PBX4: variants seen among roughly 807,000 people sequenced by gnomAD.
The protein encoded by PBX4 is PBX homeobox 4, also known as pre-B-cell leukemia transcription factor 4.
In PBX4, 26 loss-of-function variants were observed where a neutral mutation model predicts 35.1. The ratio of observed to expected loss-of-function variants is 0.74; its 90% CI spans 0.54 to 1.03. PBX4 has a LOEUF of 1.03. Among genes scored for constraint, PBX4 ranks in the 50% least tolerant of loss-of-function variants. The probability of loss-of-function intolerance (pLI) is 0.00; values close to 1 mark genes in which losing one functional copy is unlikely to be tolerated. For missense variants in PBX4, 448 were observed against 504.3 expected, an observed-to-expected ratio of 0.89 and a Z score of 1.07; for synonymous variants, 199 against 204.2, an observed-to-expected ratio of 0.97 and a Z score of 0.22.
chr19:19,574,132 C>T (rs1004200940), intron 2 of PBX4, among the ~76,000 whole-genome samples: 10 of 152,212 alleles, frequency 6.6e-5, no homozygotes, highest in Non-Finnish European at 1.3e-4. Context: ...CCGCCTCGGC[C>T]TCCCAAAGTG....
intron 2 of PBX4, among the ~76,000 whole-genome samples, chr19:19,574,508 C>T (rs192332432): frequency 3.9e-5 from 6 of 152,294 alleles, no homozygotes; most frequent in Non-Finnish European, 1.5e-5. Flanking sequence ...CTCAAGGACC[C>T]TCCTCACCGG....
rs1181241653 is a variant in PBX4, at chr19:19,570,791, G to A, written c.236C>T (p.Ala79Val). The A allele has an allele frequency of 6.2e-7, 1 of 1,614,124 alleles. No individual in the cohort carries two copies. Among genetic ancestry groups the A allele is most frequent in the Admixed American group, 1.7e-5 (1 of 60,016 alleles). The change falls in exon 3 of 8, where the codon GCC becomes GTC. Residue 79 changes from alanine to valine, a missense_variant. Ala to Val is a moderately conservative substitution (Grantham distance 64). Transcript: ENST00000251203. ...RGIQDEDPPD[A>V]QLLRLDNMLL... Reference sequence around the variant, plus strand: ...CATGTTATCCAGCCTCAGGAGCTGGGCGTCAGGGGGATCTTCGTCTTGAAT... The same window carrying A: ...CATGTTATCCAGCCTCAGGAGCTGGACGTCAGGGGGATCTTCGTCTTGAAT...
intron 2 of PBX4, among the ~76,000 whole-genome samples, chr19:19,577,448 G>A (rs2061426839): frequency 6.6e-6 from 1 of 152,212 alleles, no homozygotes; most frequent in Non-Finnish European, 1.5e-5. Flanking sequence ...CCAGAAGGGT[G>A]CAGATGTGCA....
In PBX4 at chr19:19,563,628, G is replaced by A; in HGVS notation, c.926-13C>T. 6.5e-7 allele frequency: 1 copy of A among 1,547,396 alleles called. No homozygotes were observed. The highest frequency in any genetic ancestry group is 8.7e-7 in the Non-Finnish European group (1 of 1,145,438). On this transcript the variant is annotated splice_polypyrimidine_tract_variant and intron_variant, in intron 6 of 7. Transcript: ENST00000251203. This position sits in a 1 kb window ranked among gnomAD's most constrained non-coding sequence, Gnocchi z 5.1. ...GGTCCAGAGGAGCCTGGAAGAGATGGGAGCCGGGGTGGGCAGAGTCGTGGC... is the reference window on the plus strand; with the variant it reads ...GGTCCAGAGGAGCCTGGAAGAGATGAGAGCCGGGGTGGGCAGAGTCGTGGC...
intron 1 of PBX4, among the ~76,000 whole-genome samples, chr19:19,604,663 C>T (rs754644411): frequency 3.3e-5 from 5 of 151,864 alleles, no homozygotes; most frequent in South Asian, 2.1e-4. Context: ...TGCAGTAGCG[C>T]GATCTTGGCT....
chr19:19,604,074 T>C (rs781781079), intron 1 of PBX4, among the ~76,000 whole-genome samples: 2 of 152,084 alleles, frequency 1.3e-5, no homozygotes, highest in Non-Finnish European at 2.9e-5. Flanking sequence ...ATCCTATAAC[T>C]CTGTCATCCA....
chr19:19,569,950 A>C (rs2061370309), intron 4 of PBX4, 159 bp downstream of exon 4: 1 of 572,654 alleles, frequency 1.7e-6, no homozygotes, highest in Non-Finnish European at 2.8e-6. Flanking sequence ...ATAAAAATGA[A>C]AACAGCAATA....
At chr19:19,588,209 T>C (rs762592588) in intron 2 of PBX4, 15 of 1,356,322 alleles carry the variant, frequency 1.1e-5, no homozygotes, top group Admixed American at 1.7e-5. Context: ...CTTACAATAA[T>C]AGGCATCAGA....
At chr19:19,582,462 C>A (rs1032826875) in intron 2 of PBX4, among the ~76,000 whole-genome samples, 4 of 152,112 alleles carry the variant, frequency 2.6e-5, no homozygotes, top group Non-Finnish European at 5.9e-5. Flanking sequence ...GATGGTGGAA[C>A]AATGCAGACA....
chr19:19,605,176 G>A (rs1397811130), intron 1 of PBX4, among the ~76,000 whole-genome samples: 1 of 151,176 alleles, frequency 6.6e-6, no homozygotes, highest in Non-Finnish European at 1.5e-5. Context: ...CCAGCACTTT[G>A]AGAAGCCAAG....
Position 19,564,976 on chromosome 19 carries a change from C to T in PBX4, c.882G>A (p.Gly294=). Residue 294 remains glycine, a synonymous_variant, in exon 6 of 8, where the codon GGG becomes GGA. Transcript: ENST00000251203. ...GGCAGCTGGCGTGGTTCCCTGGGACCCCAACTTCCGTGGTATCCACAGCCG... is the reference window on the plus strand; with the variant it reads ...GGCAGCTGGCGTGGTTCCCTGGGACTCCAACTTCCGTGGTATCCACAGCCG... ...GKTAVDTTEV[G]VPGNHASCLS... The T allele has an allele frequency of 1.9e-6, 3 of 1,614,148 alleles. No individual in the cohort carries two copies. Among genetic ancestry groups the T allele is most frequent in the Non-Finnish European group, 2.5e-6 (3 of 1,180,028 alleles).
rs80070351 is a variant in PBX4, at chr19:19,574,545, G to A, written c.194-3712C>T. Among the ~76,000 whole-genome samples, 376 of 152,150 alleles carry A rather than the reference G, an allele frequency of 2.5e-3. 4 individuals are homozygous for A. In the Middle Eastern group the frequency reaches 0.028, roughly 11 times the overall value. On this transcript the variant is annotated intron_variant, in intron 2 of 7. Coordinates refer to ENST00000251203, the MANE Select transcript of PBX4 (RefSeq NM_025245.3). ...TCACTCAGTCTCTTTGGGCTGCACC[G>A]AGGCTCTTTCTGAGATGGCTGAAGG...
intron 1 of PBX4, among the ~76,000 whole-genome samples, chr19:19,603,835 T>C (rs1357427965): frequency 4.6e-5 from 7 of 151,214 alleles, no homozygotes; most frequent in African/African-American, 1.7e-4. Flanking sequence ...CATGTGCCTG[T>C]AATCCCAGCT....
chr19:19,575,853 G>A (rs886806201), intron 2 of PBX4, among the ~76,000 whole-genome samples: 3 of 152,076 alleles, frequency 2.0e-5, no homozygotes, highest in Non-Finnish European at 4.4e-5. Flanking sequence ...TGGAGGTCGC[G>A]GCCAGGTGTC....
intron 2 of PBX4, among the ~76,000 whole-genome samples, chr19:19,593,379 T>G (rs1431256665): frequency 6.6e-6 from 1 of 152,100 alleles, no homozygotes; most frequent in African/African-American, 2.4e-5. Flanking sequence ...TACCACAGGG[T>G]GCAGGATCAG....
At position 19,562,217 on chromosome 19, in the gene PBX4, G is replaced by T; in HGVS notation, c.1033-100C>A. 1.2e-6 allele frequency: 1 copy of T among 833,354 alleles called. No homozygotes were observed. The highest frequency in any genetic ancestry group is 1.8e-6 in the Non-Finnish European group (1 of 543,276). 51.6% of individuals were successfully genotyped at this position (833,354 alleles called of 1,614,324 possible). The stretch of plus-strand genomic sequence containing the variant: ...GGAGCCTCCAGGGGTCCCTGGGAAG[G>T]CTTGGAAAAGATCCACAGATGACCT... On this transcript the variant is annotated intron_variant, in intron 7 of 7. Transcript: ENST00000251203. This position sits in a 1 kb window ranked among gnomAD's most constrained non-coding sequence, Gnocchi z 4.8.
At chr19:19,592,381 G>A (rs1320872088) in intron 2 of PBX4, among the ~76,000 whole-genome samples, 2 of 152,210 alleles carry the variant, frequency 1.3e-5, no homozygotes, top group Non-Finnish European at 2.9e-5. Context: ...GAGGGTTTGG[G>A]AGGAAATGCA....
intron 1 of PBX4, among the ~76,000 whole-genome samples, chr19:19,602,945 G>A (rs964854581): frequency 2.6e-5 from 4 of 152,114 alleles, no homozygotes; most frequent in Admixed American, 1.3e-4. Context: ...ATCACCCCAG[G>A]GCCAGGTACT....
chr19:19,590,470 CTTTT>C (rs552985140), intron 2 of PBX4, among the ~76,000 whole-genome samples: 2 of 139,988 alleles, frequency 1.4e-5, no homozygotes, highest in Non-Finnish European at 1.6e-5. Flanking sequence ...TGTTTTCTTT[CTTTT>C]TTTTTTTTTT....
Sources: gnomAD v4.1 joint callset for allele counts (sites outside exome capture counted in the v4.1 genomes callset) on GRCh38, gnomAD v4.1.1 for gene constraint, Gnocchi (gnomAD v3.1) non-coding constraint, MANE v1.5 for transcripts, NCBI Gene and HGNC (gene_info 2026-07-23, HGNC 2026-07-21) for gene names.